Variants in POMT2 observed in about 807,000 individuals in gnomAD.
The protein encoded by POMT2 is protein O-mannosyl-transferase 2.
A neutral mutation model predicts 100.0 loss-of-function variants in POMT2; 75 were observed. The observed-to-expected ratio is 0.75, with a 90% CI of 0.62 to 0.91. The LOEUF (loss-of-function observed/expected upper bound fraction) is 0.91. POMT2 is among the 40% of genes least tolerant of loss of function. The pLI is 0.00. For missense variants in POMT2, 940 were observed against 955.1 expected, an observed-to-expected ratio of 0.98 and a Z score of 0.21; for synonymous variants, 378 against 374.1, an observed-to-expected ratio of 1.01 and a Z score of -0.12.
intron 2 of POMT2, among the ~76,000 whole-genome samples, chr14:77,309,770 C>T (rs1891372855): frequency 6.6e-6 from 1 of 152,188 alleles, no homozygotes; most frequent in Non-Finnish European, 1.5e-5. Flanking sequence ...GCAACCTCTA[C>T]CTCCCAGGTT....
rs1186812417 is a variant in POMT2, at chr14:77,278,493, G to A, written c.2048C>T (p.Thr683Ile). ...GCCCCAGGCACAGAGCCGCAGGAGG[G>A]TGTCCCACAGAATGCCTAGAGGAGA... ...SSMLTGILWDTLLRLCAWGLA... is the reference protein window; with the variant it reads ...SSMLTGILWDILLRLCAWGLA... Residue 683 changes from threonine to isoleucine, a missense_variant, in exon 20 of 21, where the codon ACC (threonine) becomes ATC (isoleucine). Transcript: ENST00000261534. 1 of 1,484,922 alleles carries A rather than the reference G, an allele frequency of 6.7e-7. No homozygotes were observed. The highest frequency in any genetic ancestry group is 2.5e-5 in the East Asian group (1 of 40,750). 92.0% of individuals were successfully genotyped at this position (1,484,922 alleles called of 1,614,324 possible).
intron 14 of POMT2, chr14:77,284,355 G>C (rs1053878008): frequency 4.8e-6 from 1 of 208,448 alleles, no homozygotes; most frequent in Non-Finnish European, 9.8e-6. Flanking sequence ...ATAAAGAGTT[G>C]TTGAATTAGT....
chr14:77,285,450 C>T (rs771242177), intron 13 of POMT2, 31 bp downstream of exon 13: 27 of 1,613,694 alleles, frequency 1.7e-5, no homozygotes, highest in Admixed American at 1.2e-4. Flanking sequence ...TCAGGACCCT[C>T]GATTGGGACA....
intron 1 of POMT2, among the ~76,000 whole-genome samples, chr14:77,313,247 T>G (rs1373811436): frequency 6.6e-6 from 1 of 152,248 alleles, no homozygotes; most frequent in African/African-American, 2.4e-5. Context: ...GAATCTAAGG[T>G]TCTTTTTATA....
Position 77,283,701 on chromosome 14 carries a change from G to T in POMT2, c.1653+96C>A, listed in dbSNP as rs1013875925. Reference sequence around the variant, plus strand: ...GATGCTTTCAAATTCCTCCACAAGGGGGAATGGATCTGTAGCATGGCATTG... The same window carrying T: ...GATGCTTTCAAATTCCTCCACAAGGTGGAATGGATCTGTAGCATGGCATTG... On this transcript the variant is annotated intron_variant, in intron 15 of 20. Transcript: ENST00000261534. 1.4e-5 allele frequency: 15 copies of T among 1,066,682 alleles called. No homozygotes were observed. The African/African-American group carries it at 2.0e-4, about 14-fold the overall frequency. The allele number at this position is 1,066,682 out of a possible 1,614,324, so 66.1% of individuals were successfully genotyped here.
At chr14:77,279,564 TA>T (rs1472175584) in intron 18 of POMT2, 1 of 616,568 alleles carries the variant, frequency 1.6e-6, no homozygotes, top group Admixed American at 2.1e-5. Context: ...GCAAGTTTCT[TA>T]ATCTCATGGT....
intron 9 of POMT2, among the ~76,000 whole-genome samples, chr14:77,294,533 A>G (rs1385508156): frequency 6.6e-6 from 1 of 152,220 alleles, no homozygotes; most frequent in Non-Finnish European, 1.5e-5. Flanking sequence ...CATGTTGGCC[A>G]GGCTGGTCTC....
At position 77,285,349 on chromosome 14, in the gene POMT2, T is replaced by C. The variant is rs189440152; in HGVS notation, c.1484+132A>G. 458 of 1,224,018 alleles carry C rather than the reference T, an allele frequency of 3.7e-4. 1 individual carries two copies. In the African/African-American group the frequency reaches 5.8e-3, roughly 16 times the overall value. 75.8% of individuals were successfully genotyped at this position (1,224,018 alleles called of 1,614,324 possible). A position where few individuals can be genotyped will look rare whatever the true frequency, so the allele number is the denominator to read the frequency against. ...TCCATAATACACCTGATATCTACTC[T>C]CCCTCCATCTGCCACTAAGAACAAG... On this transcript the variant is annotated intron_variant, in intron 13 of 20. Coordinates refer to ENST00000261534, the MANE Select transcript of POMT2 (RefSeq NM_013382.7).
Position 77,291,331 on chromosome 14 carries a change from T to A in POMT2, c.1166A>T (p.Lys389Ile), listed in dbSNP as rs1890632905. The change falls in exon 10 of 21, where the codon AAA becomes ATA. Residue 389 changes from lysine to isoleucine, a missense_variant. Physicochemically the swap from Lys to Ile is moderately radical, Grantham distance 102. Coordinates refer to ENST00000261534, the MANE Select transcript of POMT2 (RefSeq NM_013382.7). ...CACATTACCTGAGTTTGTGTTATGT[T>A]TCTTGATAATCCACAGGTTGTTGTA... The part of the protein sequence containing the change: ...KDYNNLWIIK[K>I]HNTNSDPLDP... The A allele has an allele frequency of 6.3e-7, 1 of 1,597,884 alleles. No homozygotes were observed. The highest frequency in any genetic ancestry group is 8.5e-7 in the Non-Finnish European group (1 of 1,174,880).
At position 77,277,470 on chromosome 14, in the gene POMT2, A is replaced by G. The variant is rs1318291663; in HGVS notation, c.2159T>C (p.Phe720Ser). 6.2e-7 allele frequency: 1 copy of G among 1,612,722 alleles called. No homozygotes were observed. Among genetic ancestry groups the G allele is most frequent in the South Asian group, 1.1e-5 (1 of 91,038 alleles). ...LLGTAYSFYLFHPLAYGMVGP... is the reference protein window; with the variant it reads ...LLGTAYSFYLSHPLAYGMVGP... ...AACCATCCCGTAAGCCAGAGGGTGG[A>G]AGAGGTAGAAGCTGTGAGAGAGAAC... The change falls in exon 21 of 21, where the codon TTC becomes TCC. Residue 720 changes from phenylalanine (F) to serine (S), a missense_variant. Phe to Ser is a radical substitution (Grantham distance 155). Coordinates refer to ENST00000261534, the MANE Select transcript of POMT2 (RefSeq NM_013382.7).
Position 77,284,940 on chromosome 14 carries a change from C to A in POMT2, c.1576+10G>T, listed in dbSNP as rs756884609. 3 of 1,590,638 alleles carry A rather than the reference C, an allele frequency of 1.9e-6. No homozygotes were observed. The highest frequency in any genetic ancestry group is 2.6e-6 in the Non-Finnish European group (3 of 1,158,680). Reference sequence around the variant, plus strand: ...CCTCCAGAGCCAGCCCAGAAAGTGACCTCACTCACACTTGGGATTGATATG... The same window carrying A: ...CCTCCAGAGCCAGCCCAGAAAGTGAACTCACTCACACTTGGGATTGATATG... On this transcript the variant is annotated intron_variant, in intron 14 of 20. Transcript: ENST00000261534.
At position 77,278,842 on chromosome 14, in the gene POMT2, C is replaced by T; in HGVS notation, c.1919G>A (p.Gly640Asp). Residue 640 changes from glycine to aspartate, a missense_variant, in exon 19 of 21, where the codon GGC (glycine) becomes GAC (aspartate). By Grantham distance (94) the Gly-to-Asp change is moderately conservative. Coordinates refer to ENST00000261534, the MANE Select transcript of POMT2 (RefSeq NM_013382.7). ...TGTCCAGCCGAGCAGGACCTGGCCG[C>T]CTCCTCGAAGCAGGACCTGGGACAA... ...AGLSQVLLRGGGQVLLGWTLH... is the reference protein window; with the variant it reads ...AGLSQVLLRGDGQVLLGWTLH... 2 of 1,613,428 alleles carry T rather than the reference C, an allele frequency of 1.2e-6. No individual in the cohort carries two copies. Among genetic ancestry groups the T allele is most frequent in the Non-Finnish European group, 8.5e-7 (1 of 1,179,794 alleles).
chr14:77,296,374 G>T, intron 8 of POMT2, 101 bp from the exon 9 acceptor site: 1 of 793,736 alleles, frequency 1.3e-6, no homozygotes, highest in Non-Finnish European at 2.1e-6. Context: ...CTAACCCTCT[G>T]CGAGACTCCC....
At chr14:77,312,210 G>C in intron 1 of POMT2, 177 bp from the exon 2 acceptor site, 1 of 1,072,640 alleles carries the variant, frequency 9.3e-7, no homozygotes. Context: ...ACATCAAGCT[G>C]GCCACTGGTC....
At chr14:77,278,329 T>C in intron 20 of POMT2, 65 bp downstream of exon 20, 1 of 1,274,078 alleles carries the variant, frequency 7.8e-7, no homozygotes, top group Non-Finnish European at 1.1e-6. Context: ...GATTCTCGAA[T>C]GCATCAGGGC....
chr14:77,318,580 C>A (rs1221105467), intron 1 of POMT2, among the ~76,000 whole-genome samples: 1 of 152,082 alleles, frequency 6.6e-6, no homozygotes, highest in African/African-American at 2.4e-5. Context: ...TGACACTGCC[C>A]ATGTGGTTTA....
intron 1 of POMT2, among the ~76,000 whole-genome samples, chr14:77,316,591 G>T (rs920558668): frequency 2.3e-5 from 3 of 132,074 alleles, no homozygotes; most frequent in South Asian, 2.5e-4. Context: ...AAAAAAAAAA[G>T]AGTATAGCTA....
At chr14:77,305,029 A>C (rs1178373725) in intron 3 of POMT2, among the ~76,000 whole-genome samples, 2 of 152,222 alleles carry the variant, frequency 1.3e-5, no homozygotes, top group Non-Finnish European at 2.9e-5. Flanking sequence ...ACTGACATGA[A>C]ATCAGCAAGT....
intron 1 of POMT2, among the ~76,000 whole-genome samples, chr14:77,314,403 C>T (rs1891552120): frequency 6.6e-6 from 1 of 152,190 alleles, no homozygotes; most frequent in African/African-American, 2.4e-5. Context: ...AAATAAAGTC[C>T]TCTGTCTCTG....
Sources: gnomAD v4.1 joint callset for allele counts (sites outside exome capture counted in the v4.1 genomes callset) on GRCh38, gnomAD v4.1.1 for gene constraint, MANE v1.5 for transcripts, NCBI Gene and HGNC (gene_info 2026-07-23, HGNC 2026-07-21) for gene names.